MGAT4C: variants seen among roughly 807,000 people sequenced by gnomAD.
MGAT4C encodes the protein MGAT4 family member C.
A neutral mutation model predicts 40.1 loss-of-function variants in MGAT4C; 19 were observed. The ratio of observed to expected loss-of-function variants is 0.47; its 90% CI spans 0.33 to 0.70. MGAT4C has a LOEUF of 0.70. Ranked by LOEUF, MGAT4C falls within the 30% of genes least tolerant of loss-of-function variation. The probability of loss-of-function intolerance (pLI) is 0.02; values close to 1 mark genes in which losing one functional copy is unlikely to be tolerated. For synonymous variants in MGAT4C, 181 were observed against 187.1 expected (o/e 0.97, Z 0.27); for missense variants, 491 against 563.2 (o/e 0.87, Z 1.30).
At chr12:86,176,511 T>C in intron 1 of MGAT4C, among the ~76,000 whole-genome samples, 1 of 152,150 alleles carries the variant, frequency 6.6e-6, no homozygotes, top group East Asian at 1.9e-4. Flanking sequence ...CCTCATCTTA[T>C]ATATCCCTAT....
intron 1 of MGAT4C, among the ~76,000 whole-genome samples, chr12:86,176,591 A>G (rs1442729595): frequency 6.6e-6 from 1 of 152,048 alleles, no homozygotes; most frequent in Non-Finnish European, 1.5e-5. Flanking sequence ...GTACATGTCA[A>G]TCACTGGAAG....
At chr12:86,693,866 T>A (rs1950211242) in intron 2 of MGAT4C, among the ~76,000 whole-genome samples, 1 of 152,308 alleles carries the variant, frequency 6.6e-6, no homozygotes, top group Non-Finnish European at 1.5e-5. Flanking sequence ...CTTCATTCTG[T>A]TTTGAAAACT....
At chr12:86,822,982 A>G (rs1952732566) in intron 1 of MGAT4C, among the ~76,000 whole-genome samples, 1 of 151,198 alleles carries the variant, frequency 6.6e-6, no homozygotes, top group Admixed American at 6.6e-5. Flanking sequence ...ATAGAATTTT[A>G]GAAAGAAAAC....
intron 2 of MGAT4C, among the ~76,000 whole-genome samples, chr12:86,444,220 G>C (rs1037648665): frequency 1.3e-5 from 2 of 152,010 alleles, no homozygotes; most frequent in Non-Finnish European, 2.9e-5. Context: ...ATTCCTTCTT[G>C]AATGATTCTC....
At chr12:86,676,650 G>A (rs1002978026) in intron 2 of MGAT4C, among the ~76,000 whole-genome samples, 1 of 150,696 alleles carries the variant, frequency 6.6e-6, no homozygotes, top group Admixed American at 6.6e-5. Context: ...CTGTGTAGAT[G>A]AGTTTGTCAT....
intron 4 of MGAT4C, among the ~76,000 whole-genome samples, chr12:86,319,978 C>T (rs1446681158): frequency 6.6e-6 from 1 of 152,054 alleles, no homozygotes; most frequent in Non-Finnish European, 1.5e-5. Context: ...TTTAGTTTTA[C>T]AGAGAACCAG....
At chr12:86,448,379 T>G (rs1343675995) in intron 2 of MGAT4C, among the ~76,000 whole-genome samples, 1 of 152,210 alleles carries the variant, frequency 6.6e-6, no homozygotes, top group Non-Finnish European at 1.5e-5. Flanking sequence ...GTCACATTCT[T>G]AAATGCAAAA....
chr12:86,513,749 G>A (rs1191461172), intron 2 of MGAT4C, among the ~76,000 whole-genome samples: 2 of 151,990 alleles, frequency 1.3e-5, no homozygotes, highest in Non-Finnish European at 2.9e-5. Flanking sequence ...CAGAACTCTG[G>A]AAATGAGCCA....
intron 4 of MGAT4C, among the ~76,000 whole-genome samples, chr12:86,290,424 C>T (rs978480893): frequency 4.6e-5 from 7 of 151,950 alleles, no homozygotes; most frequent in African/African-American, 7.3e-5. Context: ...ACAAATATCA[C>T]GGAGGGTTTG....
In MGAT4C at chr12:85,989,565, G is replaced by A. The variant is rs766975412; in HGVS notation, c.-6-13C>T. Reference sequence around the variant, plus strand: ...TAAACATTCTCTTCTGTGGAAAAGAGACACAGAATTACTAGCAGTTGGTTT... The same window carrying A: ...TAAACATTCTCTTCTGTGGAAAAGAAACACAGAATTACTAGCAGTTGGTTT... On this transcript the variant is annotated splice_polypyrimidine_tract_variant and intron_variant, in intron 2 of 4. Coordinates refer to ENST00000611864, the MANE Select transcript of MGAT4C (RefSeq NM_001351288.2). 1.1e-5 allele frequency: 17 copies of A among 1,573,424 alleles called. No individual in the cohort carries two copies. The South Asian group carries it at 2.1e-4, about 19-fold the overall frequency.
intron 2 of MGAT4C, among the ~76,000 whole-genome samples, chr12:86,041,825 C>G (rs957160570): frequency 9.9e-5 from 15 of 152,108 alleles, no homozygotes; most frequent in African/African-American, 3.6e-4. Flanking sequence ...CTGTAGGTGT[C>G]TATTAGGTCC....
At chr12:86,050,409 A>G (rs1384560614) in intron 1 of MGAT4C, among the ~76,000 whole-genome samples, 1 of 152,058 alleles carries the variant, frequency 6.6e-6, no homozygotes, top group East Asian at 1.9e-4. Flanking sequence ...ATTTTCTTTA[A>G]GCAAAGGTAG....
At chr12:86,285,560 A>C (rs1178118635) in intron 4 of MGAT4C, among the ~76,000 whole-genome samples, 1 of 152,030 alleles carries the variant, frequency 6.6e-6, no homozygotes, top group African/African-American at 2.4e-5. Flanking sequence ...AGAAAACAAT[A>C]ATTACTGAAA....
At chr12:86,217,288 C>T (rs1388753363) in intron 1 of MGAT4C, among the ~76,000 whole-genome samples, 1 of 152,164 alleles carries the variant, frequency 6.6e-6, no homozygotes, top group Non-Finnish European at 1.5e-5. Context: ...GAGTCTCCTG[C>T]CTCAGCCTCC....
chr12:86,500,425 C>T (rs982484319), intron 2 of MGAT4C, among the ~76,000 whole-genome samples: 1 of 151,584 alleles, frequency 6.6e-6, no homozygotes, highest in African/African-American at 2.4e-5. Context: ...AAGTAAATAT[C>T]CTATGGCTGA....
At chr12:86,143,809 T>G (rs1182046004) in intron 1 of MGAT4C, among the ~76,000 whole-genome samples, 5 of 152,180 alleles carry the variant, frequency 3.3e-5, no homozygotes, top group Admixed American at 3.3e-4. Context: ...CTAAACATAC[T>G]ATTTTAGCAG....
At chr12:86,699,143 G>A (rs187013824) in intron 2 of MGAT4C, among the ~76,000 whole-genome samples, 42 of 152,206 alleles carry the variant, frequency 2.8e-4, no homozygotes, top group Non-Finnish European at 4.9e-4. Context: ...TAATTCAAAT[G>A]AGGTAGATAA....
At chr12:86,084,515 A>T (rs1281525895) in intron 1 of MGAT4C, among the ~76,000 whole-genome samples, 1 of 151,926 alleles carries the variant, frequency 6.6e-6, no homozygotes, top group Non-Finnish European at 1.5e-5. Context: ...CATGTATATT[A>T]TGTGGTCTAT....
intron 2 of MGAT4C, among the ~76,000 whole-genome samples, chr12:86,552,216 A>G (rs147863475): frequency 0.013 from 2,051 of 152,092 alleles, 17 homozygotes; most frequent in African/African-American, 0.02. Context: ...ATAATTCACT[A>G]TTATTTTTAT....
Sources: allele counts gnomAD v4.1 joint callset (sites outside exome capture counted in the v4.1 genomes callset), GRCh38; gene constraint gnomAD v4.1.1; transcripts MANE v1.5; gene names NCBI Gene and HGNC (gene_info 2026-07-23, HGNC 2026-07-21).